NDRG2: variants seen among roughly 807,000 people sequenced by gnomAD.
The protein encoded by NDRG2 is protein NDRG2.
A neutral mutation model predicts 58.2 loss-of-function variants in NDRG2; 34 were observed. That is an observed-to-expected ratio of 0.58 (90% CI 0.44 to 0.78). The LOEUF is 0.78. Among genes scored for constraint, NDRG2 ranks in the 30% least tolerant of loss-of-function variants. The pLI, the probability that NDRG2 is intolerant of heterozygous loss-of-function variation, is 0.00. For missense variants in NDRG2, 434 were observed against 471.2 expected, an observed-to-expected ratio of 0.92 and a Z score of 0.73; for synonymous variants, 187 against 175.9, an observed-to-expected ratio of 1.06 and a Z score of -0.50.
intron 1 of NDRG2, among the ~76,000 whole-genome samples, chr14:21,063,315 G>A (rs902696100): frequency 2.0e-5 from 3 of 152,090 alleles, no homozygotes; most frequent in Admixed American, 6.5e-5. Context: ...GCTATATTCC[G>A]CCAATTACAG....
chr14:21,059,187 G>A (rs899676601), intron 1 of NDRG2, among the ~76,000 whole-genome samples: 1 of 152,198 alleles, frequency 6.6e-6, no homozygotes, highest in East Asian at 1.9e-4. Context: ...ACGTGACCCA[G>A]AGCAGGACCC....
intron 1 of NDRG2, among the ~76,000 whole-genome samples, chr14:21,061,271 A>ATCTG (rs1885945171): frequency 6.6e-6 from 1 of 152,214 alleles, no homozygotes; most frequent in Non-Finnish European, 1.5e-5. Flanking sequence ...ACCATTCAAT[A>ATCTG]TCTGTAAGAG....
Position 21,022,692 on chromosome 14 carries a change from T to A in NDRG2, c.117+172A>T. 7.5e-6 allele frequency: 5 copies of A among 670,630 alleles called. No homozygotes were observed. The South Asian group carries it at 9.8e-5, about 13-fold the overall frequency. The allele number at this position is 670,630 out of a possible 1,614,324, so 41.5% of individuals were successfully genotyped here. On this transcript the variant is annotated intron_variant, in intron 3 of 15. Coordinates refer to ENST00000556147, the MANE Select transcript of NDRG2 (RefSeq NM_001320329.2). ...TGAGGATAAGAAAGAATAATGAAGA[T>A]TAGAGAGAGAAGAGGAGGGGAAGGA...
At chr14:21,042,995 G>T (rs1213479497) in intron 1 of NDRG2, 1 of 1,611,760 alleles carries the variant, frequency 6.2e-7, no homozygotes, top group Non-Finnish European at 8.5e-7. Flanking sequence ...TAAGAGAGAT[G>T]GCACCGGCCA....
chr14:21,019,737 C>T lies in NDRG2; in HGVS notation c.618G>A (p.Glu206=). ...GTATCAACTCAGAATTTCCAGAGAGCTCTTCCTGAAGGAGAGAACAAGGAG... is the reference window on the plus strand; with the variant it reads ...GTATCAACTCAGAATTTCCAGAGAGTTCTTCCTGAAGGAGAGAACAAGGAG... ...MILGHLFSQE[E]LSGNSELIQK... Residue 206 remains glutamate (E), a synonymous_variant, in exon 10 of 16, where the codon GAG becomes GAA. Coordinates refer to ENST00000556147, the MANE Select transcript of NDRG2 (RefSeq NM_001320329.2). 1 of 1,610,406 alleles carries T rather than the reference C, an allele frequency of 6.2e-7. No homozygotes were observed. The highest frequency in any genetic ancestry group is 8.5e-7 in the Non-Finnish European group (1 of 1,176,754).
chr14:21,019,520 T>C, intron 10 of NDRG2, 119 bp downstream of exon 10: 1 of 687,640 alleles, frequency 1.5e-6, no homozygotes, highest in Non-Finnish European at 2.5e-6. Flanking sequence ...CACTAAATGC[T>C]GCATTCCTTG....
At chr14:21,063,608 G>A (rs565933035) in intron 1 of NDRG2, among the ~76,000 whole-genome samples, 4 of 152,170 alleles carry the variant, frequency 2.6e-5, no homozygotes, top group Non-Finnish European at 5.9e-5. Context: ...TCTGGAGGAT[G>A]GGAATGACTT....
chr14:21,049,682 G>T (rs1490340460), intron 1 of NDRG2, among the ~76,000 whole-genome samples: 1 of 151,716 alleles, frequency 6.6e-6, no homozygotes, highest in Non-Finnish European at 1.5e-5. Context: ...AATAATTTAG[G>T]CAAGAACTCG....
chr14:21,049,812 T>C (rs1430867959), intron 1 of NDRG2, among the ~76,000 whole-genome samples: 1 of 151,572 alleles, frequency 6.6e-6, no homozygotes, highest in Non-Finnish European at 1.5e-5. Flanking sequence ...TCACCCAGGC[T>C]AGAGTGCAGT....
At chr14:21,021,570 G>A (rs1880347396) in intron 6 of NDRG2, 1 of 521,718 alleles carries the variant, frequency 1.9e-6, no homozygotes, top group African/African-American at 1.9e-5. Context: ...GCCCTCCTTA[G>A]CCTGAGGCAG....
At chr14:21,021,266 G>A in intron 6 of NDRG2, 1 of 371,610 alleles carries the variant, frequency 2.7e-6, no homozygotes, top group South Asian at 2.1e-5. Flanking sequence ...AGTGAACAAT[G>A]GAGAGAATGA....
At chr14:21,040,843 C>T (rs1884855882) in intron 1 of NDRG2, among the ~76,000 whole-genome samples, 1 of 152,190 alleles carries the variant, frequency 6.6e-6, no homozygotes, top group African/African-American at 2.4e-5. Context: ...AATTACTGAC[C>T]ACCAACCCCT....
At position 21,070,446 on chromosome 14, in the gene NDRG2, G is replaced by A. The variant is rs1025811807; in HGVS notation, c.24+382C>T. ...CCTGGGTCCCCTCGGCCTTCGCGCA[G>A]CCCGCTCCGGGCCCCCAAGTCCTCA... On this transcript the variant is annotated intron_variant, in intron 1 of 14. Transcript: ENST00000403829. The surrounding 1 kb of genome is among the most constrained non-coding windows in gnomAD (Gnocchi z 4.7). 3.7e-6 allele frequency: 5 copies of A among 1,360,762 alleles called. No homozygotes were observed. In the South Asian group the frequency reaches 5.6e-5, roughly 15 times the overall value. 84.3% of individuals were successfully genotyped at this position (1,360,762 alleles called of 1,614,324 possible). A position where few individuals can be genotyped will look rare whatever the true frequency, so the allele number is the denominator to read the frequency against.
At chr14:21,039,684 A>C (rs1007693866) in intron 1 of NDRG2, among the ~76,000 whole-genome samples, 2 of 152,218 alleles carry the variant, frequency 1.3e-5, no homozygotes, top group Non-Finnish European at 2.9e-5. Context: ...AGGCAAAACA[A>C]AGATTTCAGT....
Position 21,070,291 on chromosome 14 carries a change from C to A in NDRG2, c.24+537G>T. The A allele has an allele frequency of 8.2e-7, 1 of 1,217,532 alleles. No homozygotes were observed. Among genetic ancestry groups the A allele is most frequent in the Non-Finnish European group, 1.0e-6 (1 of 960,824 alleles). The allele number at this position is 1,217,532 out of a possible 1,614,324, so 75.4% of individuals were successfully genotyped here. A position where few individuals can be genotyped will look rare whatever the true frequency, so the allele number is the denominator to read the frequency against. ...GGCCGAGCCGCCACCGCGGCCGGAG[C>A]TGTCCCTTAGCCAGACCCGGCGAGA... On this transcript the variant is annotated intron_variant, in intron 1 of 14. Transcript: ENST00000403829. The surrounding 1 kb of genome is among the most constrained non-coding windows in gnomAD (Gnocchi z 4.7).
intron 10 of NDRG2, among the ~76,000 whole-genome samples, chr14:21,019,404 A>T (rs1178814383): frequency 6.6e-6 from 1 of 152,162 alleles, no homozygotes; most frequent in Non-Finnish European, 1.5e-5. Flanking sequence ...ACACAAGATC[A>T]TCTTACTTCT....
chr14:21,041,131 C>G (rs1285368075), intron 1 of NDRG2, among the ~76,000 whole-genome samples: 2 of 152,018 alleles, frequency 1.3e-5, no homozygotes, highest in Non-Finnish European at 2.9e-5. Context: ...GTAGCTGGGA[C>G]CACAGGCATG....
chr14:21,017,425 A>C lies in NDRG2; in HGVS notation c.*171T>G. 2.7e-6 allele frequency: 2 copies of C among 728,604 alleles called. No homozygotes were observed. The highest frequency in any genetic ancestry group is 5.5e-5 in the East Asian group (2 of 36,602). 45.1% of individuals were successfully genotyped at this position (728,604 alleles called of 1,614,324 possible). On this transcript the variant is annotated 3_prime_UTR_variant, in exon 16 of 16. Transcript: ENST00000556147. ...GACATCTCTTCCAGGAGCTGGGGGG[A>C]ATCACGGGTTAAAGGTCAAGGTTAG...
In NDRG2 at chr14:21,035,164, G is replaced by A. The variant is rs75801210; in HGVS notation, c.25-11843C>T. ...GGCTGAGAATCAAAGACCTCCATGT[G>A]GACTCCCCACGGTCCCTATCAGCCT... is the stretch of plus-strand genomic sequence containing the variant. On this transcript the variant is annotated intron_variant, in intron 1 of 14. Coordinates refer to the NDRG2 transcript ENST00000403829. 6.0e-3 allele frequency among the ~76,000 whole-genome samples: 918 copies of A among 152,262 alleles called. 15 individuals are homozygous for A. The highest frequency in any genetic ancestry group is 0.021 in the African/African-American group (875 of 41,542).
Sources: gnomAD v4.1 joint callset for allele counts (sites outside exome capture counted in the v4.1 genomes callset) on GRCh38, gnomAD v4.1.1 for gene constraint, Gnocchi (gnomAD v3.1) non-coding constraint, MANE v1.5 for transcripts, NCBI Gene and HGNC (gene_info 2026-07-23, HGNC 2026-07-21) for gene names.